PPFIA2: variants seen among roughly 807,000 people sequenced by gnomAD.
PPFIA2 encodes the protein PPFI scaffold protein A2.
Under a neutral mutation model 175.5 loss-of-function variants are expected in PPFIA2, and 46 were observed. The ratio of observed to expected loss-of-function variants is 0.26; its 90% confidence interval spans 0.21 to 0.34. PPFIA2 has a LOEUF of 0.34. Ranked by LOEUF, PPFIA2 falls within the 10% of genes least tolerant of loss-of-function variation. The pLI, the probability that PPFIA2 is intolerant of heterozygous loss-of-function variation, is 1.00. For synonymous variants in PPFIA2, 568 were observed against 511.4 expected (o/e 1.11, Z -1.49); for missense variants, 1,179 against 1,506.1 (o/e 0.78, Z 3.60).
intron 3 of PPFIA2, among the ~76,000 whole-genome samples, chr12:81,705,585 A>G (rs2153607103): frequency 6.6e-6 from 1 of 152,302 alleles, no homozygotes; most frequent in Middle Eastern, 3.4e-3. Flanking sequence ...TATACATTGC[A>G]ACAGGTGGTA....
At chr12:81,474,555 G>C (rs1049649440) in intron 4 of PPFIA2, among the ~76,000 whole-genome samples, 3 of 152,174 alleles carry the variant, frequency 2.0e-5, no homozygotes, top group African/African-American at 7.2e-5. Flanking sequence ...GCCTCCCAAA[G>C]TGCTGAGATT....
chr12:81,345,008 G>T (rs1268200032), intron 18 of PPFIA2, among the ~76,000 whole-genome samples: 1 of 152,082 alleles, frequency 6.6e-6, no homozygotes. Context: ...AGCTAGAAGA[G>T]TGAGCTAGCT....
At chr12:81,286,440 A>G (rs2043434987) in intron 24 of PPFIA2, among the ~76,000 whole-genome samples, 1 of 151,916 alleles carries the variant, frequency 6.6e-6, no homozygotes, top group South Asian at 2.1e-4. Flanking sequence ...TACCTTTTCT[A>G]TGTTTAGACA....
intron 17 of PPFIA2, among the ~76,000 whole-genome samples, chr12:81,351,158 A>G (rs2059932151): frequency 6.6e-6 from 1 of 152,192 alleles, no homozygotes; most frequent in Non-Finnish European, 1.5e-5. Flanking sequence ...TTTCAATTGT[A>G]ATGAAAACCA....
At chr12:81,447,230 T>C (rs1056455733) in intron 5 of PPFIA2, among the ~76,000 whole-genome samples, 12 of 152,204 alleles carry the variant, frequency 7.9e-5, no homozygotes, top group Non-Finnish European at 1.6e-4. Context: ...GATTATATTA[T>C]GGTATTCTAT....
chr12:81,724,392 G>A (rs963434129), intron 3 of PPFIA2, among the ~76,000 whole-genome samples: 29 of 150,750 alleles, frequency 1.9e-4, no homozygotes, highest in African/African-American at 7.0e-4. Context: ...ATTGTTTCAT[G>A]GTGAAGTCTG....
At chr12:81,538,916 C>T (rs951994357) in intron 4 of PPFIA2, among the ~76,000 whole-genome samples, 3 of 151,788 alleles carry the variant, frequency 2.0e-5, no homozygotes, top group Non-Finnish European at 4.4e-5. Context: ...TGAGAACAGA[C>T]CATAGAGCGA....
intron 5 of PPFIA2, among the ~76,000 whole-genome samples, 184 bp from the exon 6 acceptor site, chr12:81,445,904 T>G (rs1046340730): frequency 6.6e-6 from 1 of 152,212 alleles, no homozygotes; most frequent in East Asian, 1.9e-4. Context: ...ACATTAAAGA[T>G]AAATTGTATT....
At chr12:81,301,290 C>T (rs768822152) in intron 22 of PPFIA2, among the ~76,000 whole-genome samples, 41 of 152,026 alleles carry the variant, frequency 2.7e-4, no homozygotes, top group Admixed American at 6.6e-4. Flanking sequence ...ATAGGGAAAG[C>T]GACACTTCTA....
chr12:81,344,147 C>T (rs2058637502), intron 19 of PPFIA2, among the ~76,000 whole-genome samples: 1 of 152,064 alleles, frequency 6.6e-6, no homozygotes, highest in Admixed American at 6.6e-5. Context: ...CTCAGAAAAC[C>T]TTCTGCCCTG....
intron 4 of PPFIA2, among the ~76,000 whole-genome samples, chr12:81,461,410 A>C (rs2054518285): frequency 6.6e-6 from 1 of 152,092 alleles, no homozygotes; most frequent in Non-Finnish European, 1.5e-5. Context: ...GCATTCTGGG[A>C]TTATCATCCG....
chr12:81,754,682 A>C (rs1034498177), intron 2 of PPFIA2, among the ~76,000 whole-genome samples: 2 of 152,194 alleles, frequency 1.3e-5, no homozygotes, highest in Admixed American at 1.3e-4. Flanking sequence ...GTAGGAAGTA[A>C]ATGACTTGAA....
At chr12:81,479,838 A>G (rs1040889102) in intron 4 of PPFIA2, among the ~76,000 whole-genome samples, 1 of 151,660 alleles carries the variant, frequency 6.6e-6, no homozygotes, top group South Asian at 2.1e-4. Flanking sequence ...TGCCCTTAAC[A>G]TTTTTTCTTT....
rs1361849048 is a variant in PPFIA2 at position 81,758,439 on chromosome 12, T to C, written c.-42A>G. On this transcript the variant is annotated 5_prime_UTR_variant, in exon 2 of 33. Coordinates refer to ENST00000549396, the MANE Select transcript of PPFIA2 (RefSeq NM_003625.5). ...TTCGGGTCCTTGCTTCTTCAATTGA[T>C]CAATGACAACCGCAGTCTCCGGCTT... The C allele has an allele frequency of 2.2e-6, 1 of 456,558 alleles. No individual in the cohort carries two copies. 28.3% of individuals were successfully genotyped at this position (456,558 alleles called of 1,614,324 possible). A position where few individuals can be genotyped will look rare whatever the true frequency, so the allele number is the denominator to read the frequency against.
rs1030879292 is a variant in PPFIA2, at chr12:81,323,389, G to A, written c.2642+2388C>T. On this transcript the variant is annotated intron_variant, in intron 22 of 32. Coordinates refer to ENST00000549396, the MANE Select transcript of PPFIA2 (RefSeq NM_003625.5). ...GATAGCACAGGTTGCAACTGTGTACGTACGATCTGTAGTGCTCAACATTAT... is the reference window on the plus strand; with the variant it reads ...GATAGCACAGGTTGCAACTGTGTACATACGATCTGTAGTGCTCAACATTAT... Among the ~76,000 whole-genome samples, 7 of 152,018 alleles carry A rather than the reference G, an allele frequency of 4.6e-5. No individual in the cohort carries two copies. In the East Asian group the frequency reaches 5.8e-4, roughly 13 times the overall value.
At chr12:81,673,539 C>A (rs981987083) in intron 4 of PPFIA2, among the ~76,000 whole-genome samples, 9 of 151,948 alleles carry the variant, frequency 5.9e-5, no homozygotes, top group South Asian at 2.1e-4. Context: ...TATCTAGTTT[C>A]TTTTCCTTTG....
chr12:81,439,363 A>C (rs1008139072), intron 7 of PPFIA2, among the ~76,000 whole-genome samples: 2 of 151,640 alleles, frequency 1.3e-5, no homozygotes, highest in African/African-American at 2.4e-5. Context: ...ATGTATATAT[A>C]AACAAATTTA....
At chr12:81,422,499 T>C (rs2046451705) in intron 7 of PPFIA2, among the ~76,000 whole-genome samples, 1 of 151,872 alleles carries the variant, frequency 6.6e-6, no homozygotes, top group Non-Finnish European at 1.5e-5. Flanking sequence ...AGGTAAAATG[T>C]GAAAAAATGT....
intron 3 of PPFIA2, among the ~76,000 whole-genome samples, chr12:81,749,059 C>G (rs907821115): frequency 6.9e-6 from 1 of 144,362 alleles, no homozygotes; most frequent in Non-Finnish European, 1.6e-5. Flanking sequence ...AGTAGGGACC[C>G]TAAGCCTAGC....
Sources: allele counts gnomAD v4.1 joint callset (sites outside exome capture counted in the v4.1 genomes callset), GRCh38; gene constraint gnomAD v4.1.1; transcripts MANE v1.5; gene names NCBI Gene and HGNC (gene_info 2026-07-23, HGNC 2026-07-21).